PIGN: variants seen among roughly 807,000 people sequenced by gnomAD.
PIGN encodes GPI ethanolamine phosphate transferase 1.
In PIGN, 117 loss-of-function variants were observed where a neutral mutation model predicts 125.4. That is an observed-to-expected ratio of 0.93 (90% CI 0.80 to 1.09). PIGN has a LOEUF of 1.09. Among genes scored for constraint, PIGN ranks in the 50% least tolerant of loss-of-function variants. PIGN has a pLI of 0.00. For missense variants in PIGN, 1,075 were observed against 1,094.9 expected, an observed-to-expected ratio of 0.98 and a Z score of 0.26; for synonymous variants, 392 against 377.8, an observed-to-expected ratio of 1.04 and a Z score of -0.44.
At chr18:62,073,170 G>GT (rs1555676732) in intron 29 of PIGN, among the ~76,000 whole-genome samples, 1 of 145,380 alleles carries the variant, frequency 6.9e-6, no homozygotes, top group Admixed American at 6.9e-5. Flanking sequence ...AATTATCAGG[G>GT]GTGTGTGTGT....
intron 1 of PIGN, among the ~76,000 whole-genome samples, chr18:62,174,079 T>C (rs957869520): frequency 6.6e-6 from 1 of 152,060 alleles, no homozygotes; most frequent in African/African-American, 2.4e-5. Context: ...CTGGGCATGG[T>C]GGCGGGCACC....
chr18:62,053,618 C>T lies in PIGN; in HGVS notation c.2673-7639G>A, dbSNP rs537618174. On this transcript the variant is annotated intron_variant, in intron 30 of 30. Coordinates refer to ENST00000640252, the MANE Select transcript of PIGN (RefSeq NM_176787.5). ...ATTTATTTTAAAAAAGCTGGAGTGG[C>T]TATATTAATATCAGATAAAATAGAC... 3.9e-5 allele frequency among the ~76,000 whole-genome samples: 6 copies of T among 152,206 alleles called. No homozygotes were observed. The South Asian group carries it at 1.2e-3, about 32-fold the overall frequency.
chr18:62,162,513 CT>C (rs1555697891), intron 2 of PIGN, 184 bp from the exon 3 acceptor site: 1 of 152,020 alleles, frequency 6.6e-6, no homozygotes, highest in Non-Finnish European at 1.5e-5. Flanking sequence ...GCAAAATAAC[CT>C]TGCAAAAACA....
chr18:62,174,039 C>A (rs999247774), intron 1 of PIGN, among the ~76,000 whole-genome samples: 2 of 152,234 alleles, frequency 1.3e-5, no homozygotes. Context: ...TGTGGTGAAA[C>A]CCCATCTCTA....
At position 62,161,274 on chromosome 18, in the gene PIGN, G is replaced by A. The variant is rs2036943430; in HGVS notation, c.80C>T (p.Pro27Leu). ...ASIFDIYFTS[P>L]LVHGMTPQFT... Reference sequence around the variant, plus strand: ...CTGAGGAGTCATTCCATGAACCAAAGGAGATGTAAAATAAATGTCAAAGAT... The same window carrying A: ...CTGAGGAGTCATTCCATGAACCAAAAGAGATGTAAAATAAATGTCAAAGAT... The change falls in exon 4 of 31, where the codon CCT (proline) becomes CTT (leucine). Residue 27 changes from proline to leucine, a missense_variant. This residue lies in a region of PIGN where 152 missense variants were observed against 162.9 expected (regional missense o/e 0.93). Transcript: ENST00000640252. The A allele has an allele frequency of 1.9e-6, 3 of 1,613,672 alleles. No homozygotes were observed. The highest frequency in any genetic ancestry group is 1.7e-6 in the Non-Finnish European group (2 of 1,179,724).
intron 25 of PIGN, among the ~76,000 whole-genome samples, chr18:62,086,623 T>TG (rs1362042311): frequency 2.0e-5 from 3 of 151,524 alleles, no homozygotes; most frequent in East Asian, 1.9e-4. Flanking sequence ...TTTTTGTTTT[T>TG]TTTTTTTTTT....
At chr18:62,112,875 T>C (rs1422856587) in intron 16 of PIGN, 21 of 404,758 alleles carry the variant, frequency 5.2e-5, no homozygotes, top group Non-Finnish European at 8.2e-5. Flanking sequence ...ACACCATTGA[T>C]AACATAGGAG....
chr18:62,139,773 T>C (rs2036069280), intron 12 of PIGN, among the ~76,000 whole-genome samples: 1 of 152,154 alleles, frequency 6.6e-6, no homozygotes, highest in South Asian at 2.1e-4. Context: ...AGTCAAGGGA[T>C]AGAAACTAAG....
At chr18:62,160,029 C>A (rs1006855312) in intron 4 of PIGN, among the ~76,000 whole-genome samples, 3 of 152,134 alleles carry the variant, frequency 2.0e-5, no homozygotes, top group Admixed American at 6.5e-5. Context: ...AGGAGAATGG[C>A]GTGAACCTGG....
chr18:62,184,235 AT>A (rs922217971), intron 1 of PIGN, among the ~76,000 whole-genome samples: 11 of 152,198 alleles, frequency 7.2e-5, no homozygotes, highest in Non-Finnish European at 1.5e-4. Flanking sequence ...ACCTAAAATA[AT>A]TTTTTAAATA....
At chr18:62,152,879 T>A (rs1347892173) in intron 7 of PIGN, among the ~76,000 whole-genome samples, 4 of 130,286 alleles carry the variant, frequency 3.1e-5, no homozygotes, top group Admixed American at 1.5e-4. Flanking sequence ...TTTTTTTTTT[T>A]AACCACAGTT....
chr18:62,066,090 T>C (rs1418888069), intron 30 of PIGN, among the ~76,000 whole-genome samples: 1 of 152,238 alleles, frequency 6.6e-6, no homozygotes. Context: ...CCATAGCTTT[T>C]AACTTGCTAA....
At chr18:62,061,461 T>C (rs1373753482) in intron 30 of PIGN, among the ~76,000 whole-genome samples, 1 of 69,384 alleles carries the variant, frequency 1.4e-5, no homozygotes, top group Non-Finnish European at 3.1e-5. Flanking sequence ...GCCGAGATTG[T>C]GCCACTGCAG....
At chr18:62,057,399 T>C (rs1202001671) in intron 30 of PIGN, among the ~76,000 whole-genome samples, 1 of 152,182 alleles carries the variant, frequency 6.6e-6, no homozygotes, top group Non-Finnish European at 1.5e-5. Context: ...CTTGATTCTT[T>C]TTTTCTCCCA....
intron 11 of PIGN, among the ~76,000 whole-genome samples, chr18:62,142,074 T>C (rs2036157910): frequency 6.6e-6 from 1 of 152,216 alleles, no homozygotes; most frequent in South Asian, 2.1e-4. Context: ...CACAAATCTC[T>C]GTTGCAGTAC....
intron 30 of PIGN, chr18:62,070,214 G>A (rs1225463660): frequency 2.6e-6 from 1 of 391,600 alleles, no homozygotes; most frequent in Non-Finnish European, 4.5e-6. Flanking sequence ...TGGCAGAAAT[G>A]AGATTCAAAC....
intron 22 of PIGN, among the ~76,000 whole-genome samples, chr18:62,097,926 A>G (rs1481824163): frequency 6.6e-6 from 1 of 152,188 alleles, no homozygotes; most frequent in East Asian, 1.9e-4. Flanking sequence ...GGAAATGTGC[A>G]TAACTTTCTA....
intron 23 of PIGN, among the ~76,000 whole-genome samples, chr18:62,029,634 C>G (rs1250237370): frequency 6.6e-6 from 1 of 152,086 alleles, no homozygotes; most frequent in Non-Finnish European, 1.5e-5. Flanking sequence ...GCCAGAACTT[C>G]CAATGGCCAC....
intron 14 of PIGN, among the ~76,000 whole-genome samples, chr18:62,123,761 A>C (rs1228569355): frequency 6.6e-6 from 1 of 152,176 alleles, no homozygotes; most frequent in African/African-American, 2.4e-5. Context: ...CTAAAATATT[A>C]ACTGAATGTT....
Sources: gnomAD v4.1 joint callset for allele counts (sites outside exome capture counted in the v4.1 genomes callset) on GRCh38, gnomAD v4.1.1 for gene constraint, gnomAD v4.1.1 regional missense constraint, MANE v1.5 for transcripts, NCBI Gene and HGNC (gene_info 2026-07-23, HGNC 2026-07-21) for gene names.